Variants in DRC11 observed in about 807,000 individuals in gnomAD.
DRC11 encodes the protein dynein regulatory complex subunit 11.
chr2:236,418,419 A>G, the DRC11 span, among the ~76,000 whole-genome samples: 1 of 152,248 alleles, frequency 6.6e-6, no homozygotes, highest in South Asian at 2.1e-4. Flanking sequence ...GATTTTGGTC[A>G]GCCATGAAGT....
chr2:236,444,186 T>C, the DRC11 span, among the ~76,000 whole-genome samples: 59 of 152,358 alleles, frequency 3.9e-4, 1 homozygote, highest in Middle Eastern at 3.4e-3. Flanking sequence ...AGAAACTCTT[T>C]AGTTTAATTA....
the DRC11 span, chr2:236,377,199 A>T: frequency 1.3e-6 from 2 of 1,560,408 alleles, no homozygotes; most frequent in South Asian, 2.2e-5. The surrounding 1 kb of genome is among the most constrained non-coding windows in gnomAD (Gnocchi z 4.9). Flanking sequence ...GGGAGAAAGC[A>T]GAGTGTCTGT....
the DRC11 span, among the ~76,000 whole-genome samples, chr2:236,378,674 C>CA: frequency 8.5e-3 from 501 of 58,838 alleles, no homozygotes; most frequent in East Asian, 0.016. Context: ...GACTCCGTCT[C>CA]AAAAAAAAAA....
the DRC11 span, chr2:236,408,053 T>C: frequency 1.7e-6 from 1 of 584,972 alleles, no homozygotes. This position sits in a 1 kb window ranked among gnomAD's most constrained non-coding sequence, Gnocchi z 5.5. Flanking sequence ...CACTTCTTGG[T>C]TCCCACCACA....
At chr2:236,354,407 C>T in the DRC11 span, among the ~76,000 whole-genome samples, 1 of 151,854 alleles carries the variant, frequency 6.6e-6, no homozygotes, top group Non-Finnish European at 1.5e-5. Context: ...AGTGCTTATC[C>T]AGACTGTGTT....
the DRC11 span, among the ~76,000 whole-genome samples, chr2:236,357,292 AT>A: frequency 3.9e-4 from 42 of 107,268 alleles, no homozygotes; most frequent in African/African-American, 1.5e-3. Flanking sequence ...ATATTTATAT[AT>A]TATATATTCA....
chr2:236,372,033 G>A, the DRC11 span, among the ~76,000 whole-genome samples: 1 of 152,158 alleles, frequency 6.6e-6, no homozygotes, highest in Non-Finnish European at 1.5e-5. The surrounding 1 kb of genome is among the most constrained non-coding windows in gnomAD (Gnocchi z 4.5). Context: ...TCGTTATGTG[G>A]TTTTAATGTT....
the DRC11 span, among the ~76,000 whole-genome samples, chr2:236,461,501 G>C: frequency 1.3e-5 from 2 of 152,190 alleles, no homozygotes; most frequent in Non-Finnish European, 2.9e-5. The surrounding 1 kb of genome is among the most constrained non-coding windows in gnomAD (Gnocchi z 4.0). Context: ...ATGAAAAACT[G>C]TAATACCATT....
At chr2:236,402,731 C>A in the DRC11 span, among the ~76,000 whole-genome samples, 1 of 152,182 alleles carries the variant, frequency 6.6e-6, no homozygotes, top group African/African-American at 2.4e-5. The surrounding 1 kb of genome is among the most constrained non-coding windows in gnomAD (Gnocchi z 6.0). Flanking sequence ...AAAGTCCCAC[C>A]TACGACACAA....
the DRC11 span, among the ~76,000 whole-genome samples, chr2:236,443,228 T>C: frequency 6.6e-6 from 1 of 152,184 alleles, no homozygotes; most frequent in Non-Finnish European, 1.5e-5. This position sits in a 1 kb window ranked among gnomAD's most constrained non-coding sequence, Gnocchi z 4.4. Flanking sequence ...TGTGCAGGTT[T>C]GTTACGTAGG....
At chr2:236,462,972 T>A in the DRC11 span, among the ~76,000 whole-genome samples, 2 of 152,152 alleles carry the variant, frequency 1.3e-5, no homozygotes, top group East Asian at 3.8e-4. This position sits in a 1 kb window ranked among gnomAD's most constrained non-coding sequence, Gnocchi z 6.4. Flanking sequence ...ATTGTCTTTT[T>A]TACTGTGAGC....
At chr2:236,461,080 A>G in the DRC11 span, among the ~76,000 whole-genome samples, 1 of 152,086 alleles carries the variant, frequency 6.6e-6, no homozygotes, top group Non-Finnish European at 1.5e-5. The surrounding 1 kb of genome is among the most constrained non-coding windows in gnomAD (Gnocchi z 4.0). Flanking sequence ...TAGTAAGTTA[A>G]ATGTGTTTGT....
the DRC11 span, among the ~76,000 whole-genome samples, chr2:236,504,495 T>A: frequency 1.3e-5 from 2 of 152,160 alleles, no homozygotes; most frequent in Non-Finnish European, 2.9e-5. The surrounding 1 kb of genome is among the most constrained non-coding windows in gnomAD (Gnocchi z 5.0). Flanking sequence ...TGCTCTACAT[T>A]TAAAATAGAA....
At chr2:236,497,618 G>A in the DRC11 span, 2 of 652,194 alleles carry the variant, frequency 3.1e-6, no homozygotes, top group Non-Finnish European at 5.2e-6. This position sits in a 1 kb window ranked among gnomAD's most constrained non-coding sequence, Gnocchi z 5.1. Flanking sequence ...TTATATAGTT[G>A]CAAGGCTTGA....
the DRC11 span, among the ~76,000 whole-genome samples, chr2:236,402,483 T>G: frequency 6.6e-6 from 1 of 152,226 alleles, no homozygotes; most frequent in East Asian, 1.9e-4. The surrounding 1 kb of genome is among the most constrained non-coding windows in gnomAD (Gnocchi z 6.0). Flanking sequence ...ACGCAGGAAA[T>G]GGGATCACAA....
chr2:236,375,763 A>T, the DRC11 span, among the ~76,000 whole-genome samples: 1 of 152,244 alleles, frequency 6.6e-6, no homozygotes, highest in Non-Finnish European at 1.5e-5. This position sits in a 1 kb window ranked among gnomAD's most constrained non-coding sequence, Gnocchi z 4.2. Flanking sequence ...ATTGAATAAA[A>T]AAAGAATCCA....
At chr2:236,457,141 A>G in the DRC11 span, among the ~76,000 whole-genome samples, 1 of 152,228 alleles carries the variant, frequency 6.6e-6, no homozygotes, top group Admixed American at 6.5e-5. This position sits in a 1 kb window ranked among gnomAD's most constrained non-coding sequence, Gnocchi z 4.7. Flanking sequence ...AGCCATGAGA[A>G]ATACCAATCA....
At chr2:236,321,422 C>T in the DRC11 span, among the ~76,000 whole-genome samples, 2 of 152,132 alleles carry the variant, frequency 1.3e-5, no homozygotes, top group East Asian at 3.8e-4. Flanking sequence ...GTTCTAATGG[C>T]GTGTTACCAT....
chr2:236,318,678 A>G, the DRC11 span, among the ~76,000 whole-genome samples: 2 of 152,104 alleles, frequency 1.3e-5, no homozygotes, highest in Non-Finnish European at 2.9e-5. This position sits in a 1 kb window ranked among gnomAD's most constrained non-coding sequence, Gnocchi z 7.0. Flanking sequence ...TGTACAGATC[A>G]CATGTGTACA....
Sources: allele counts gnomAD v4.1 joint callset (sites outside exome capture counted in the v4.1 genomes callset), GRCh38; gene constraint gnomAD v4.1.1; non-coding constraint Gnocchi (gnomAD v3.1); transcripts MANE v1.5; gene names NCBI Gene and HGNC (gene_info 2026-07-23, HGNC 2026-07-21).